Variants in TRIM69 observed in about 807,000 individuals in gnomAD.
The protein encoded by TRIM69 is E3 ubiquitin-protein ligase TRIM69.
In TRIM69, 29 loss-of-function variants were observed where a neutral mutation model predicts 37.7. The ratio of observed to expected loss-of-function variants is 0.77; its 90% CI spans 0.57 to 1.05. The LOEUF (loss-of-function observed/expected upper bound fraction) is 1.05, where lower values mean the gene tolerates loss of function less well. TRIM69 is among the 50% of genes least tolerant of loss of function. The probability of loss-of-function intolerance (pLI) is 0.00; values close to 1 mark genes in which losing one functional copy is unlikely to be tolerated. For missense variants in TRIM69, 596 were observed against 579.9 expected (o/e 1.03, Z -0.28); for synonymous variants, 209 against 212.4 (o/e 0.98, Z 0.14).
chr15:44,741,059 G>C (rs1480556068), intron 1 of TRIM69, among the ~76,000 whole-genome samples: 11 of 150,010 alleles, frequency 7.3e-5, no homozygotes, highest in Admixed American at 2.0e-4. Flanking sequence ...TGACCACATA[G>C]TTGGAAGTAA....
intron 1 of TRIM69, among the ~76,000 whole-genome samples, chr15:44,742,843 C>A (rs1283505776): frequency 6.6e-6 from 1 of 150,726 alleles, no homozygotes; most frequent in South Asian, 2.1e-4. Flanking sequence ...GAACATTCCA[C>A]GCTCATGGAT....
At chr15:44,743,118 T>C (rs1211404142) in intron 1 of TRIM69, among the ~76,000 whole-genome samples, 11 of 151,914 alleles carry the variant, frequency 7.2e-5, no homozygotes, top group South Asian at 4.2e-4. Context: ...AAAACAGAGA[T>C]AGAGATCAAT....
chr15:44,753,938 A>T (rs781008451), intron 1 of TRIM69: 1 of 151,700 alleles, frequency 6.6e-6, no homozygotes, highest in Admixed American at 6.6e-5. Context: ...CTGGTCTCTA[A>T]CTCCTGACCT....
chr15:44,736,533 T>A lies in TRIM69; in HGVS notation c.-172T>A. 1.7e-6 allele frequency: 1 copy of A among 593,386 alleles called. No homozygotes were observed. Among genetic ancestry groups the A allele is most frequent in the Non-Finnish European group, 2.8e-6 (1 of 355,794 alleles). 36.8% of individuals were successfully genotyped at this position (593,386 alleles called of 1,614,324 possible). ...AAACTGTCACGGAATCTGCCAGACC[T>A]CACTCTGGCCTTGCTGCTTCTCTCC... On this transcript the variant is annotated 5_prime_UTR_variant, in exon 1 of 7. Coordinates refer to ENST00000329464, the MANE Select transcript of TRIM69 (RefSeq NM_182985.5).
chr15:44,749,101 G>A (rs146747677), intron 1 of TRIM69, among the ~76,000 whole-genome samples: 7 of 152,110 alleles, frequency 4.6e-5, no homozygotes, highest in Non-Finnish European at 1.0e-4. Context: ...TGTTGCTCAC[G>A]CTGGTCTCAA....
At chr15:44,764,529 T>C (rs1024958819) in intron 6 of TRIM69, among the ~76,000 whole-genome samples, 2 of 152,156 alleles carry the variant, frequency 1.3e-5, no homozygotes, top group African/African-American at 4.8e-5. Context: ...GTTTGAAGAG[T>C]AAATATTTTA....
chr15:44,754,760 G>C, intron 1 of TRIM69, 140 bp from the exon 2 acceptor site: 1 of 680,220 alleles, frequency 1.5e-6, no homozygotes, highest in Non-Finnish European at 2.6e-6. Flanking sequence ...CAAGTTACTG[G>C]TTCACTTTCA....
rs1409507193 is a variant in TRIM69 at position 44,754,657 on chromosome 15, G to C, written c.7-243G>C. The C allele has an allele frequency of 8.5e-6, 4 of 470,122 alleles. No individual in the cohort carries two copies. The East Asian group carries it at 1.3e-4, about 15-fold the overall frequency. The allele number at this position is 470,122 out of a possible 1,614,324, so 29.1% of individuals were successfully genotyped here. On this transcript the variant is annotated intron_variant, in intron 1 of 6. Coordinates refer to ENST00000329464, the MANE Select transcript of TRIM69 (RefSeq NM_182985.5). The stretch of plus-strand genomic sequence containing the variant: ...GGTAAAGAGAGAGATGTACAACAAA[G>C]TACATTTCTTTGATTTAGTACTGTT...
chr15:44,755,884 A>T (rs1293982529), intron 2 of TRIM69, among the ~76,000 whole-genome samples: 1 of 152,186 alleles, frequency 6.6e-6, no homozygotes, highest in Non-Finnish European at 1.5e-5. Context: ...TTTGAAGGGC[A>T]GAAGGAAGAA....
intron 4 of TRIM69, 88 bp downstream of exon 4, chr15:44,758,942 A>T (rs143831625): frequency 6.8e-7 from 1 of 1,462,434 alleles, no homozygotes; most frequent in Non-Finnish European, 9.2e-7. Flanking sequence ...GGCTTTTCAC[A>T]TCCAGGGAAA....
At chr15:44,738,571 C>T (rs1010607040) in intron 1 of TRIM69, among the ~76,000 whole-genome samples, 2 of 152,152 alleles carry the variant, frequency 1.3e-5, no homozygotes, top group Admixed American at 1.3e-4. Flanking sequence ...TCTATAGCTC[C>T]CTCTAGAGCA....
chr15:44,766,329 C>T (rs961948480), intron 6 of TRIM69, among the ~76,000 whole-genome samples: 1 of 152,044 alleles, frequency 6.6e-6, no homozygotes, highest in Admixed American at 6.5e-5. Context: ...TTATGAGTAG[C>T]AATGACATAA....
chr15:44,748,491 A>G (rs929860754), intron 1 of TRIM69, among the ~76,000 whole-genome samples: 20 of 152,148 alleles, frequency 1.3e-4, no homozygotes, highest in African/African-American at 4.8e-4. Context: ...GGAAGGCATT[A>G]TATAGCATTC....
In TRIM69 at chr15:44,758,646, A is replaced by T. The variant is rs766335928; in HGVS notation, c.605A>T (p.His202Leu). 6.2e-7 allele frequency: 1 copy of T among 1,614,172 alleles called. No individual in the cohort carries two copies. The highest frequency in any genetic ancestry group is 1.1e-5 in the South Asian group (1 of 91,078). ...HKENKLHLQQ[H>L]VSMEFLKLHQ... The stretch of plus-strand genomic sequence containing the variant: ...GAAAACAAGCTACATCTGCAGCAAC[A>T]TGTGTCCATGGAGTTTCTAAAGCTG... Residue 202 changes from histidine to leucine, a missense_variant, in exon 4 of 7, where the codon CAT becomes CTT. Coordinates refer to ENST00000329464, the MANE Select transcript of TRIM69 (RefSeq NM_182985.5).
At chr15:44,748,075 G>C (rs2087444844) in intron 1 of TRIM69, among the ~76,000 whole-genome samples, 1 of 152,220 alleles carries the variant, frequency 6.6e-6, no homozygotes, top group Admixed American at 6.5e-5. Context: ...CCAGTGACTT[G>C]AGTGTCAGAG....
intron 6 of TRIM69, among the ~76,000 whole-genome samples, chr15:44,763,450 G>C (rs2087820771): frequency 6.6e-6 from 1 of 152,182 alleles, no homozygotes; most frequent in Admixed American, 6.5e-5. Context: ...GGAAGTGTCT[G>C]TCAGGTTTCT....
intron 1 of TRIM69, among the ~76,000 whole-genome samples, chr15:44,745,694 A>G (rs1281742970): frequency 3.9e-5 from 6 of 152,196 alleles, no homozygotes; most frequent in Non-Finnish European, 8.8e-5. Flanking sequence ...GAATACCAGC[A>G]AAGATGTAGA....
chr15:44,763,267 G>C (rs1309801947), intron 6 of TRIM69, among the ~76,000 whole-genome samples: 1 of 151,882 alleles, frequency 6.6e-6, no homozygotes, highest in Non-Finnish European at 1.5e-5. Flanking sequence ...CATATATTTT[G>C]TAAGGATGCT....
At chr15:44,763,554 C>T (rs995026336) in intron 6 of TRIM69, among the ~76,000 whole-genome samples, 1 of 152,152 alleles carries the variant, frequency 6.6e-6, no homozygotes, top group Non-Finnish European at 1.5e-5. Flanking sequence ...AGTTATGCTC[C>T]CTCTCCCTGA....
Sources: gnomAD v4.1 joint callset for allele counts (sites outside exome capture counted in the v4.1 genomes callset) on GRCh38, gnomAD v4.1.1 for gene constraint, MANE v1.5 for transcripts, NCBI Gene and HGNC (gene_info 2026-07-23, HGNC 2026-07-21) for gene names.